The following LRMDA variants were observed in gnomAD, a reference collection of about 807,000 sequenced individuals.
LRMDA encodes the protein leucine-rich melanocyte differentiation-associated protein.
Under a neutral mutation model 29.8 loss-of-function variants are expected in LRMDA, and 18 were observed. That is an observed-to-expected ratio of 0.60 (90% CI 0.42 to 0.90). The LOEUF (loss-of-function observed/expected upper bound fraction) is 0.90. Among genes scored for constraint, LRMDA ranks in the 40% least tolerant of loss-of-function variants. LRMDA has a pLI of 0.00. For synonymous variants in LRMDA, 125 were observed against 109.4 expected (o/e 1.14, Z -0.89); for missense variants, 273 against 273.9 (o/e 1.00, Z 0.02).
chr10:75,435,002 G>T (rs1212710391), intron 1 of LRMDA, among the ~76,000 whole-genome samples: 1 of 152,166 alleles, frequency 6.6e-6, no homozygotes, highest in Non-Finnish European at 1.5e-5. Context: ...TCCCTTTCTA[G>T]TTTCTTCTCC....
chr10:75,829,909 C>T (rs903550693), intron 2 of LRMDA, among the ~76,000 whole-genome samples: 7 of 138,282 alleles, frequency 5.1e-5, no homozygotes, highest in South Asian at 4.6e-4. Context: ...CCAACTTCAT[C>T]GTGAAAAGAT....
rs548343824 is a variant in LRMDA, at chr10:76,302,896, G to A, written c.517-21505G>A. ...CAGTTTGTTAAAAGGAAAACACAAC[G>A]CAACAAAACCCCTTTTCTTCACACA... On this transcript the variant is annotated intron_variant, in intron 5 of 6. Coordinates refer to ENST00000611255, the MANE Select transcript of LRMDA (RefSeq NM_001305581.2). Among the ~76,000 whole-genome samples, 250 of 152,194 alleles carry A rather than the reference G, an allele frequency of 1.6e-3. 1 individual carries two copies. The highest frequency in any genetic ancestry group is 5.7e-3 in the African/African-American group (236 of 41,514).
At chr10:76,393,697 T>G (rs1353256566) in intron 6 of LRMDA, among the ~76,000 whole-genome samples, 1 of 152,230 alleles carries the variant, frequency 6.6e-6, no homozygotes, top group Non-Finnish European at 1.5e-5. Flanking sequence ...TTGCTTTTGT[T>G]GCCTATGCTT....
In LRMDA at chr10:75,750,644, C is replaced by A. The variant is rs1339931836; in HGVS notation, c.132-285364C>A. Among the ~76,000 whole-genome samples, 11 of 142,822 alleles carry A rather than the reference C, an allele frequency of 7.7e-5. No homozygotes were observed. The East Asian group carries it at 2.4e-3, about 31-fold the overall frequency. The allele number at this position is 142,822 out of a possible 152,430, so 93.7% of individuals were successfully genotyped here. A position where few individuals can be genotyped will look rare whatever the true frequency, so the allele number is the denominator to read the frequency against. The stretch of plus-strand genomic sequence containing the variant: ...CGCTCCTCACATCCCAGATGATGGG[C>A]AGCCGGGCAGAGATGCTCCTCACTT... On this transcript the variant is annotated intron_variant, in intron 2 of 6. Coordinates refer to ENST00000611255, the MANE Select transcript of LRMDA (RefSeq NM_001305581.2).
chr10:76,295,075 A>T (rs1467485460), intron 5 of LRMDA, among the ~76,000 whole-genome samples: 1 of 152,268 alleles, frequency 6.6e-6, no homozygotes, highest in Non-Finnish European at 1.5e-5. Flanking sequence ...ATAGAACATT[A>T]TCTCAAATAG....
intron 2 of LRMDA, among the ~76,000 whole-genome samples, chr10:75,979,893 C>T (rs1330112694): frequency 6.6e-6 from 1 of 152,194 alleles, no homozygotes; most frequent in African/African-American, 2.4e-5. Flanking sequence ...CATTAATAGA[C>T]TAATATGTAG....
intron 2 of LRMDA, among the ~76,000 whole-genome samples, chr10:75,911,354 T>A (rs1452267148): frequency 6.6e-6 from 1 of 152,102 alleles, no homozygotes; most frequent in Admixed American, 6.6e-5. Flanking sequence ...GCACAGAAGA[T>A]CCCCTAATGT....
chr10:75,673,499 G>A lies in LRMDA; in HGVS notation c.131+235005G>A, dbSNP rs142449959. Reference sequence around the variant, plus strand: ...GAAGCCCTTGCTCAGTGCCTCTATGGGACTGGATCTGTACTGAGACTCCCA... The same window carrying A: ...GAAGCCCTTGCTCAGTGCCTCTATGAGACTGGATCTGTACTGAGACTCCCA... On this transcript the variant is annotated intron_variant, in intron 2 of 6. Coordinates refer to ENST00000611255, the MANE Select transcript of LRMDA (RefSeq NM_001305581.2). Among the ~76,000 whole-genome samples, 405 of 152,170 alleles carry A rather than the reference G, an allele frequency of 2.7e-3. 1 individual carries two copies. Among genetic ancestry groups the A allele is most frequent in the African/African-American group, 9.4e-3 (389 of 41,514 alleles).
chr10:76,384,101 C>T (rs966791618), intron 6 of LRMDA, among the ~76,000 whole-genome samples: 2 of 152,136 alleles, frequency 1.3e-5, no homozygotes, highest in Non-Finnish European at 2.9e-5. Flanking sequence ...TGTGCTATGT[C>T]CATAGGATGT....
chr10:75,557,580 C>G (rs982014628), intron 2 of LRMDA, among the ~76,000 whole-genome samples: 11 of 152,142 alleles, frequency 7.2e-5, no homozygotes, highest in African/African-American at 2.4e-4. Flanking sequence ...TGAGGCATGG[C>G]TTCTGGTTTG....
chr10:76,486,187 T>A (rs1842780633), intron 6 of LRMDA, among the ~76,000 whole-genome samples: 1 of 151,974 alleles, frequency 6.6e-6, no homozygotes. Context: ...TATCCTCTGA[T>A]ACATAGAAAA....
chr10:76,224,234 C>T (rs1851906546), intron 5 of LRMDA, among the ~76,000 whole-genome samples: 1 of 151,062 alleles, frequency 6.6e-6, no homozygotes. Context: ...AAAGCTGGTT[C>T]TAAGAGCACT....
chr10:76,333,257 G>A (rs1241173923), intron 6 of LRMDA, among the ~76,000 whole-genome samples: 1 of 152,160 alleles, frequency 6.6e-6, no homozygotes. Flanking sequence ...ACAGACAGAA[G>A]GGTTTATATT....
At chr10:75,619,048 C>T (rs1166319570) in intron 2 of LRMDA, among the ~76,000 whole-genome samples, 11 of 152,194 alleles carry the variant, frequency 7.2e-5, no homozygotes, top group East Asian at 5.8e-4. Flanking sequence ...CTGCCCACCT[C>T]GGCCTCCCAA....
chr10:75,678,100 A>G (rs1333214711), intron 2 of LRMDA, among the ~76,000 whole-genome samples: 2 of 152,202 alleles, frequency 1.3e-5, no homozygotes, highest in Non-Finnish European at 2.9e-5. Flanking sequence ...ATTCATACAT[A>G]TACATATATG....
chr10:75,631,297 G>T (rs189059695), intron 2 of LRMDA, among the ~76,000 whole-genome samples: 131 of 152,102 alleles, frequency 8.6e-4, no homozygotes, highest in Non-Finnish European at 1.6e-3. Flanking sequence ...GGACCTCACT[G>T]CAGCCACCTG....
At chr10:75,963,130 T>C (rs918019038) in intron 2 of LRMDA, among the ~76,000 whole-genome samples, 8 of 152,242 alleles carry the variant, frequency 5.3e-5, no homozygotes, top group Non-Finnish European at 1.0e-4. Context: ...TTGAATTTCC[T>C]TCAGACTATT....
At chr10:75,875,726 C>A (rs980310310) in intron 2 of LRMDA, among the ~76,000 whole-genome samples, 1 of 152,220 alleles carries the variant, frequency 6.6e-6, no homozygotes, top group African/African-American at 2.4e-5. Context: ...GCCACGGTGC[C>A]CAGCCAGCCA....
At position 76,050,967 on chromosome 10, in the gene LRMDA, G is replaced by T. The variant is rs561927961; in HGVS notation, c.398+3664G>T. Among the ~76,000 whole-genome samples, 12 of 152,254 alleles carry T rather than the reference G, an allele frequency of 7.9e-5. No homozygotes were observed. The South Asian group carries it at 2.5e-3, about 32-fold the overall frequency. ...TCCCCTCCTGCCACTCCAGTCTCTG[G>T]TTGGCCTTGCTTTACTCCCTCCTCC... On this transcript the variant is annotated intron_variant, in intron 4 of 6. Transcript: ENST00000611255.
Sources: allele counts gnomAD v4.1 joint callset (sites outside exome capture counted in the v4.1 genomes callset), GRCh38; gene constraint gnomAD v4.1.1; transcripts MANE v1.5; gene names NCBI Gene and HGNC (gene_info 2026-07-23, HGNC 2026-07-21).